Variants in LAMA2 observed in about 807,000 individuals in gnomAD.
LAMA2 encodes the protein laminin subunit alpha 2.
A neutral mutation model predicts 364.8 loss-of-function variants in LAMA2; 269 were observed. That is an observed-to-expected ratio of 0.74 (90% CI 0.67 to 0.82). The LOEUF is 0.82. LAMA2 is among the 40% of genes least tolerant of loss of function. The probability of loss-of-function intolerance (pLI) is 0.00; values close to 1 mark genes in which losing one functional copy is unlikely to be tolerated. For missense variants in LAMA2, 3,807 were observed against 3,873.2 expected (o/e 0.98, Z 0.45); for synonymous variants, 1,379 against 1,370.6 (o/e 1.01, Z -0.14).
At chr6:129,104,405 C>A (rs1775706035) in intron 4 of LAMA2, among the ~76,000 whole-genome samples, 1 of 152,190 alleles carries the variant, frequency 6.6e-6, no homozygotes, top group African/African-American at 2.4e-5. Flanking sequence ...ATGTTTTAGG[C>A]TTAGAACATT....
intron 1 of LAMA2, among the ~76,000 whole-genome samples, chr6:128,883,936 C>T (rs1329326820): frequency 1.3e-5 from 2 of 151,922 alleles, no homozygotes; most frequent in Non-Finnish European, 2.9e-5. Context: ...GCAATGGCGC[C>T]TCCAGCCTCA....
At chr6:129,380,201 C>T (rs960396571) in intron 34 of LAMA2, among the ~76,000 whole-genome samples, 2 of 151,898 alleles carry the variant, frequency 1.3e-5, no homozygotes, top group African/African-American at 2.4e-5. Context: ...AATTGAATCT[C>T]GAAAGCTGGA....
chr6:129,247,528 C>A, intron 12 of LAMA2, among the ~76,000 whole-genome samples: 1 of 152,096 alleles, frequency 6.6e-6, no homozygotes, highest in South Asian at 2.1e-4. Flanking sequence ...AAACGCATAC[C>A]TTTAGGGTAA....
chr6:129,433,089 C>T (rs920849628), intron 41 of LAMA2, among the ~76,000 whole-genome samples: 4 of 152,124 alleles, frequency 2.6e-5, no homozygotes. Flanking sequence ...ATCAGATATA[C>T]AGCACATCCC....
chr6:129,376,859 A>G (rs1778401900), intron 34 of LAMA2, among the ~76,000 whole-genome samples: 1 of 152,212 alleles, frequency 6.6e-6, no homozygotes. Flanking sequence ...TTGACAAATA[A>G]CTATATAGTC....
intron 1 of LAMA2, among the ~76,000 whole-genome samples, chr6:129,031,796 G>C (rs1786245507): frequency 6.6e-6 from 1 of 151,238 alleles, no homozygotes; most frequent in Non-Finnish European, 1.5e-5. Context: ...CACAATTTAT[G>C]TACTAAATCC....
intron 3 of LAMA2, among the ~76,000 whole-genome samples, chr6:129,088,967 G>A (rs897793650): frequency 1.3e-5 from 2 of 149,026 alleles, no homozygotes; most frequent in African/African-American, 4.9e-5. Flanking sequence ...GCAGGCGGCT[G>A]GGAGGTGGAG....
intron 28 of LAMA2, among the ~76,000 whole-genome samples, chr6:129,321,876 T>C (rs1489557329): frequency 6.6e-6 from 1 of 152,186 alleles, no homozygotes; most frequent in Non-Finnish European, 1.5e-5. Context: ...GGACATGGCA[T>C]CATGAAAAGA....
In LAMA2 at chr6:129,105,836, C is replaced by A. The variant is rs146561848; in HGVS notation, c.639+7421C>A. ...TCTAGATGGCACTGCTTTAGAGATC[C>A]TAGAATTAAAATTATAATATTTTTC... On this transcript the variant is annotated intron_variant, in intron 4 of 64. Coordinates refer to ENST00000421865, the MANE Select transcript of LAMA2 (RefSeq NM_000426.4). Among the ~76,000 whole-genome samples, 30 of 152,188 alleles carry A rather than the reference C, an allele frequency of 2.0e-4. No individual in the cohort carries two copies. The East Asian group carries it at 5.0e-3, about 25-fold the overall frequency.
chr6:129,282,756 C>A (rs1270965739), intron 18 of LAMA2, among the ~76,000 whole-genome samples: 19 of 152,152 alleles, frequency 1.2e-4, no homozygotes, highest in Non-Finnish European at 1.3e-4. Flanking sequence ...CATGCTAAGA[C>A]CCACCAACAT....
intron 1 of LAMA2, among the ~76,000 whole-genome samples, chr6:128,910,031 C>T (rs1165618545): frequency 2.0e-5 from 3 of 151,896 alleles, no homozygotes; most frequent in Non-Finnish European, 2.9e-5. Context: ...GGCTTCCCTT[C>T]CAGGGTAACC....
intron 40 of LAMA2, among the ~76,000 whole-genome samples, chr6:129,415,296 AT>A (rs1174520422): frequency 6.6e-6 from 1 of 151,912 alleles, no homozygotes; most frequent in Non-Finnish European, 1.5e-5. Flanking sequence ...ACTCCCTTTG[AT>A]TTTTTTTCAG....
At chr6:129,459,955 T>C (rs1006831174) in intron 48 of LAMA2, among the ~76,000 whole-genome samples, 2 of 152,064 alleles carry the variant, frequency 1.3e-5, no homozygotes, top group African/African-American at 4.8e-5. Flanking sequence ...AAAACTGGTA[T>C]AGCAAAAAGT....
At chr6:129,475,966 A>G (rs1022276038) in intron 53 of LAMA2, among the ~76,000 whole-genome samples, 2 of 152,226 alleles carry the variant, frequency 1.3e-5, no homozygotes, top group African/African-American at 4.8e-5. Flanking sequence ...ATGGTGCCAG[A>G]TGAAGGAATC....
At chr6:129,065,880 T>G (rs1453010579) in intron 3 of LAMA2, among the ~76,000 whole-genome samples, 1 of 151,696 alleles carries the variant, frequency 6.6e-6, no homozygotes, top group East Asian at 1.9e-4. Context: ...TTATCAGGGG[T>G]TTCCGCTTTT....
intron 12 of LAMA2, among the ~76,000 whole-genome samples, chr6:129,217,270 C>T (rs1357584128): frequency 6.6e-6 from 1 of 151,944 alleles, no homozygotes; most frequent in African/African-American, 2.4e-5. Flanking sequence ...AATCTCAAAC[C>T]CATGAGTTAC....
chr6:129,323,995 A>G (rs1016805735), intron 28 of LAMA2, among the ~76,000 whole-genome samples: 1 of 152,208 alleles, frequency 6.6e-6, no homozygotes, highest in Non-Finnish European at 1.5e-5. Flanking sequence ...CAACACATAA[A>G]GCCCAAAAGG....
chr6:129,235,777 C>T (rs1210295056), intron 12 of LAMA2, among the ~76,000 whole-genome samples: 1 of 152,076 alleles, frequency 6.6e-6, no homozygotes, highest in Non-Finnish European at 1.5e-5. Context: ...AAACTTTGGC[C>T]ATTGTTTTCT....
chr6:129,516,379 T>C lies in LAMA2; in HGVS notation c.*32T>C. On this transcript the variant is annotated 3_prime_UTR_variant, in exon 65 of 65. Coordinates refer to ENST00000421865, the MANE Select transcript of LAMA2 (RefSeq NM_000426.4). ...TAAGTGTAACCCCAGGAAGAGTCTGTCAAAACAAGTATATCAAGTAAAACA... is the reference window on the plus strand; with the variant it reads ...TAAGTGTAACCCCAGGAAGAGTCTGCCAAAACAAGTATATCAAGTAAAACA... The C allele has an allele frequency of 6.2e-7, 1 of 1,604,448 alleles. No homozygotes were observed. Among genetic ancestry groups the C allele is most frequent in the East Asian group, 2.2e-5 (1 of 44,722 alleles).
Sources: allele counts gnomAD v4.1 joint callset (sites outside exome capture counted in the v4.1 genomes callset), GRCh38; gene constraint gnomAD v4.1.1; transcripts MANE v1.5; gene names NCBI Gene and HGNC (gene_info 2026-07-23, HGNC 2026-07-21).